Variants in CPHXL2 observed in about 807,000 individuals in gnomAD.
The protein encoded by CPHXL2 is cytoplasmic polyadenylated homeobox-like protein 2.
chr16:75,670,796 G>A, the CPHXL2 span, among the ~76,000 whole-genome samples: 1 of 152,050 alleles, frequency 6.6e-6, no homozygotes, highest in Non-Finnish European at 1.5e-5. Context: ...CACGCCAGGC[G>A]TAAAATTTTA....
chr16:75,672,692 C>G, the CPHXL2 span, among the ~76,000 whole-genome samples: 1 of 152,088 alleles, frequency 6.6e-6, no homozygotes, highest in East Asian at 1.9e-4. Flanking sequence ...ACCATGTTGA[C>G]CAGGCTGGTT....
At chr16:75,660,418 C>T in the CPHXL2 span, 73 of 398,644 alleles carry the variant, frequency 1.8e-4, no homozygotes, top group South Asian at 4.6e-3. Flanking sequence ...TGGGGAGGCA[C>T]GTGCTGCAGT....
At chr16:75,673,294 G>C in the CPHXL2 span, among the ~76,000 whole-genome samples, 2 of 151,784 alleles carry the variant, frequency 1.3e-5, no homozygotes, top group African/African-American at 4.8e-5. Flanking sequence ...AATTAGCTGG[G>C]CATGGAGGCA....
At chr16:75,671,186 T>C in the CPHXL2 span, among the ~76,000 whole-genome samples, 5 of 152,174 alleles carry the variant, frequency 3.3e-5, no homozygotes, top group African/African-American at 1.2e-4. Flanking sequence ...AGTTCGAGGA[T>C]AGCCTGGCCA....
At chr16:75,669,561 C>T in the CPHXL2 span, 1 of 398,580 alleles carries the variant, frequency 2.5e-6, no homozygotes, top group Non-Finnish European at 4.4e-6. Flanking sequence ...GGAAAGCTGA[C>T]AAAAGTATAA....
the CPHXL2 span, among the ~76,000 whole-genome samples, chr16:75,662,334 TC>T: frequency 1.4e-5 from 2 of 143,188 alleles, no homozygotes; most frequent in Non-Finnish European, 3.0e-5. Flanking sequence ...TTCTTTCTTT[TC>T]TTTTTTTTTT....
chr16:75,671,485 G>A, the CPHXL2 span, among the ~76,000 whole-genome samples: 1 of 151,200 alleles, frequency 6.6e-6, no homozygotes, highest in African/African-American at 2.4e-5. Flanking sequence ...AATAATTCAC[G>A]TGTTGATGAC....
the CPHXL2 span, among the ~76,000 whole-genome samples, chr16:75,674,530 A>C: frequency 6.6e-6 from 1 of 152,200 alleles, no homozygotes; most frequent in African/African-American, 2.4e-5. Context: ...ATCCACAGAT[A>C]CAATACAAAG....
the CPHXL2 span, among the ~76,000 whole-genome samples, chr16:75,664,761 A>G: frequency 1.3e-5 from 2 of 152,154 alleles, no homozygotes; most frequent in Non-Finnish European, 2.9e-5. Flanking sequence ...ATGGATTAAC[A>G]CATTCATGGA....
the CPHXL2 span, chr16:75,669,668 C>T: frequency 1.8e-5 from 7 of 396,048 alleles, no homozygotes; most frequent in African/African-American, 1.2e-4. Flanking sequence ...GAAATCCAGG[C>T]GTGACCTCAT....
the CPHXL2 span, among the ~76,000 whole-genome samples, chr16:75,671,113 C>T: frequency 4.6e-5 from 7 of 152,202 alleles, no homozygotes; most frequent in East Asian, 3.9e-4. Context: ...CTGTGTGCGC[C>T]GGCTCACGCC....
the CPHXL2 span, among the ~76,000 whole-genome samples, chr16:75,663,754 C>T: frequency 2.0e-5 from 3 of 151,824 alleles, no homozygotes; most frequent in African/African-American, 7.3e-5. Flanking sequence ...GGCATGGTGG[C>T]GGGCACCTGT....
the CPHXL2 span, among the ~76,000 whole-genome samples, chr16:75,668,541 T>C: frequency 2.0e-5 from 3 of 150,490 alleles, no homozygotes; most frequent in East Asian, 5.8e-4. Flanking sequence ...TTTTTCATAT[T>C]GTGTGTGTGT....
the CPHXL2 span, among the ~76,000 whole-genome samples, chr16:75,666,806 T>C: frequency 6.6e-6 from 1 of 152,074 alleles, no homozygotes; most frequent in South Asian, 2.1e-4. Flanking sequence ...TGGAATTTTC[T>C]CCAAGATAGA....
At chr16:75,673,075 C>CAAAAAAAAAAAA in the CPHXL2 span, among the ~76,000 whole-genome samples, 3 of 73,164 alleles carry the variant, frequency 4.1e-5, no homozygotes, top group African/African-American at 1.1e-4. Context: ...GACCTTGTCT[C>CAAAAAAAAAAAA]AAAAAAAAAA....
chr16:75,668,228 T>C, the CPHXL2 span, among the ~76,000 whole-genome samples: 9 of 124,510 alleles, frequency 7.2e-5, no homozygotes, highest in South Asian at 2.6e-4. Context: ...TATATACATA[T>C]ATATTTTTTT....
chr16:75,664,136 G>T, the CPHXL2 span, among the ~76,000 whole-genome samples: 5 of 152,180 alleles, frequency 3.3e-5, no homozygotes, highest in Admixed American at 3.3e-4. Flanking sequence ...TGCCTTTCCA[G>T]ACCCAAGCAA....
At chr16:75,660,797 GTAGCTGAGAAAACGATAGGCAGT>G in the CPHXL2 span, 1 of 398,672 alleles carries the variant, frequency 2.5e-6, no homozygotes, top group Non-Finnish European at 4.4e-6. Context: ...CTGCAGAGTT[GTAGCTGAGAAAACGATAGGCAGT>G]AGAATGCTCA....
the CPHXL2 span, among the ~76,000 whole-genome samples, chr16:75,662,523 C>T: frequency 6.6e-6 from 1 of 151,986 alleles, no homozygotes. Flanking sequence ...CTAGGGTCTA[C>T]TACCATCAGT....
Sources: allele counts gnomAD v4.1 joint callset (sites outside exome capture counted in the v4.1 genomes callset), GRCh38; gene constraint gnomAD v4.1.1; transcripts MANE v1.5; gene names NCBI Gene and HGNC (gene_info 2026-07-23, HGNC 2026-07-21).